Variants in RBM6 observed in about 807,000 individuals in gnomAD.
RBM6 encodes RNA-binding protein 6.
A neutral mutation model predicts 140.4 loss-of-function variants in RBM6; 23 were observed. The ratio of observed to expected loss-of-function variants is 0.16; its 90% CI spans 0.12 to 0.23. RBM6 has a LOEUF of 0.23. Among genes scored for constraint, RBM6 ranks in the 10% least tolerant of loss-of-function variants. RBM6 has a pLI of 1.00. For missense variants in RBM6, 1,139 were observed against 1,386.7 expected, an observed-to-expected ratio of 0.82 and a Z score of 2.84; for synonymous variants, 439 against 475.6, an observed-to-expected ratio of 0.92 and a Z score of 1.00.
At chr3:49,974,899 C>G (rs890523103) in intron 4 of RBM6, among the ~76,000 whole-genome samples, 1 of 151,466 alleles carries the variant, frequency 6.6e-6, no homozygotes, top group Non-Finnish European at 1.5e-5. Context: ...GTTAGCCAGG[C>G]TGGTCTCGAA....
chr3:50,021,076 T>A (rs2087450955), intron 6 of RBM6, among the ~76,000 whole-genome samples: 1 of 152,216 alleles, frequency 6.6e-6, no homozygotes, highest in South Asian at 2.1e-4. Context: ...GCATATATTA[T>A]TTTTTCTGTC....
At chr3:49,978,650 G>A (rs1001962373) in intron 5 of RBM6, among the ~76,000 whole-genome samples, 1 of 152,166 alleles carries the variant, frequency 6.6e-6, no homozygotes, top group African/African-American at 2.4e-5. Context: ...CCAGGGGAAT[G>A]TGTACTCAGA....
At chr3:49,982,822 T>C (rs1425031536) in intron 5 of RBM6, among the ~76,000 whole-genome samples, 2 of 151,986 alleles carry the variant, frequency 1.3e-5, no homozygotes, top group African/African-American at 4.8e-5. Flanking sequence ...AGTTCAATTC[T>C]CCTGCCTCAG....
chr3:49,980,031 C>G (rs959353365), intron 5 of RBM6, among the ~76,000 whole-genome samples: 1 of 151,358 alleles, frequency 6.6e-6, no homozygotes, highest in African/African-American at 2.4e-5. Context: ...AACGGAGTCT[C>G]GTTTGGTCAC....
chr3:50,065,103 A>G lies in RBM6; in HGVS notation c.2659A>G (p.Lys887Glu). 6.2e-7 allele frequency: 1 copy of G among 1,612,776 alleles called. No homozygotes were observed. The highest frequency in any genetic ancestry group is 8.5e-7 in the Non-Finnish European group (1 of 1,178,872). Residue 887 changes from lysine (K) to glutamate (E), a missense_variant, in exon 16 of 21, where the codon AAG becomes GAG. Lys to Glu is a moderately conservative substitution (Grantham distance 56). Coordinates refer to ENST00000266022, the MANE Select transcript of RBM6 (RefSeq NM_005777.3). ...TAAGAAGCCCCTGCCTCCTACTGTG[A>G]AGAAGGAAGAGAGTCCCCCTCCAGT... The part of the protein sequence containing the change: ...VFKKPLPPTV[K>E]KEESPPPPKV...
At chr3:50,019,609 C>T (rs904702887) in intron 6 of RBM6, among the ~76,000 whole-genome samples, 2 of 152,098 alleles carry the variant, frequency 1.3e-5, no homozygotes. Context: ...CCCACCTCAG[C>T]CTCCCAAAGT....
At chr3:50,034,090 CTTT>C (rs68118556) in intron 6 of RBM6, among the ~76,000 whole-genome samples, 4 of 116,210 alleles carry the variant, frequency 3.4e-5, no homozygotes, top group African/African-American at 6.6e-5. Flanking sequence ...TCTATACTTC[CTTT>C]TTTTTTTTTT....
chr3:49,984,421 A>T (rs971582252), intron 5 of RBM6, among the ~76,000 whole-genome samples: 1 of 152,232 alleles, frequency 6.6e-6, no homozygotes, highest in Non-Finnish European at 1.5e-5. Context: ...AGCCTGGTCA[A>T]TATGGCAAAA....
chr3:49,968,980 T>TC (rs1436009405), intron 3 of RBM6, among the ~76,000 whole-genome samples: 2 of 150,628 alleles, frequency 1.3e-5, no homozygotes, highest in African/African-American at 2.4e-5. Context: ...CTTTTTTTTT[T>TC]TTTCTTTAAA....
rs2084550584 is a variant in RBM6 at position 49,967,171 on chromosome 3, T to C, written c.45-299T>C. The C allele has an allele frequency of 4.6e-6, 5 of 1,090,802 alleles. No homozygotes were observed. Among genetic ancestry groups the C allele is most frequent in the Non-Finnish European group, 4.5e-6 (4 of 887,930 alleles). The allele number at this position is 1,090,802 out of a possible 1,614,324, so 67.6% of individuals were successfully genotyped here. ...AGTATGTCACCATTGTTAGCTTATT[T>C]GGTATTGCGGATTTTCCCTGTTGCA... On this transcript the variant is annotated intron_variant, in intron 2 of 20. Transcript: ENST00000266022. This position sits in a 1 kb window ranked among gnomAD's most constrained non-coding sequence, Gnocchi z 4.0.
At chr3:49,943,266 G>A (rs2083360539) in intron 1 of RBM6, among the ~76,000 whole-genome samples, 1 of 151,994 alleles carries the variant, frequency 6.6e-6, no homozygotes, top group South Asian at 2.1e-4. Context: ...ACCCAGAAGG[G>A]AAATTGCTAT....
Position 50,057,844 on chromosome 3 carries a change from C to T in RBM6, c.1810C>T (p.Pro604Ser). Reference sequence around the variant, plus strand: ...AAGACCAGCTGATAAGGAACCTGAACCCAGGAAGAGGGAAGAAGGCCAAGA... The same window carrying T: ...AAGACCAGCTGATAAGGAACCTGAATCCAGGAAGAGGGAAGAAGGCCAAGA... ...PLRPADKEPE[P>S]RKREEGQESR... Residue 604 changes from proline (P) to serine (S), a missense_variant, in exon 9 of 21, where the codon CCC becomes TCC. Pro to Ser is a moderately conservative substitution (Grantham distance 74). Transcript: ENST00000266022. 6.2e-7 allele frequency: 1 copy of T among 1,613,742 alleles called. No individual in the cohort carries two copies. The highest frequency in any genetic ancestry group is 2.2e-5 in the East Asian group (1 of 44,858).
chr3:49,962,845 C>T, intron 2 of RBM6, 160 bp downstream of exon 2: 1 of 607,956 alleles, frequency 1.6e-6, no homozygotes, highest in Non-Finnish European at 2.6e-6. Flanking sequence ...CGCCTGTAAT[C>T]CCAGCACTTT....
chr3:50,036,006 C>T (rs534294141), intron 6 of RBM6, among the ~76,000 whole-genome samples: 2 of 152,250 alleles, frequency 1.3e-5, no homozygotes, highest in Admixed American at 1.3e-4. Context: ...GTGATCCACC[C>T]ACCTTGGCCT....
At chr3:49,990,044 G>A (rs970900422) in intron 5 of RBM6, among the ~76,000 whole-genome samples, 2 of 152,132 alleles carry the variant, frequency 1.3e-5, no homozygotes, top group African/African-American at 4.8e-5. Flanking sequence ...ACTGCACCTG[G>A]CCTTTAATTT....
Position 50,068,724 on chromosome 3 carries a change from C to T in RBM6, c.2978C>T (p.Ser993Phe). 1 of 1,614,158 alleles carries T rather than the reference C, an allele frequency of 6.2e-7. No individual in the cohort carries two copies. Among genetic ancestry groups the T allele is most frequent in the Non-Finnish European group, 8.5e-7 (1 of 1,180,008 alleles). ...NLEIHRKIKQ[S>F]EQELAYLERR... ...GAAATCCACCGGAAGATAAAACAGT[C>T]TGAGCAGGAGCTAGCCTATCTGGAA... Residue 993 changes from serine (S) to phenylalanine (F), a missense_variant, in exon 18 of 21, where the codon TCT becomes TTT. Coordinates refer to ENST00000266022, the MANE Select transcript of RBM6 (RefSeq NM_005777.3).
chr3:50,051,861 G>A (rs1230633847), intron 7 of RBM6, among the ~76,000 whole-genome samples: 1 of 152,164 alleles, frequency 6.6e-6, no homozygotes, highest in Non-Finnish European at 1.5e-5. Flanking sequence ...TTACAACCTA[G>A]ATGAACCTTG....
At chr3:50,035,236 T>G (rs1268093447) in intron 6 of RBM6, among the ~76,000 whole-genome samples, 1 of 151,800 alleles carries the variant, frequency 6.6e-6, no homozygotes, top group Non-Finnish European at 1.5e-5. Flanking sequence ...ATTTAAAAGC[T>G]TTAGAACAGG....
intron 1 of RBM6, among the ~76,000 whole-genome samples, chr3:49,949,449 G>A (rs368329711): frequency 6.6e-6 from 1 of 152,080 alleles, no homozygotes; most frequent in East Asian, 1.9e-4. Context: ...CTGGAGTGCA[G>A]TGGTGTGATC....
Sources: gnomAD v4.1 joint callset for allele counts (sites outside exome capture counted in the v4.1 genomes callset) on GRCh38, gnomAD v4.1.1 for gene constraint, Gnocchi (gnomAD v3.1) non-coding constraint, MANE v1.5 for transcripts, NCBI Gene and HGNC (gene_info 2026-07-23, HGNC 2026-07-21) for gene names.